The following CDK7 variants were observed in gnomAD, a reference collection of about 807,000 sequenced individuals.
The protein encoded by CDK7 is cyclin dependent kinase 7, also known as cyclin-dependent kinase 7.
A neutral mutation model predicts 49.1 loss-of-function variants in CDK7; 25 were observed. The ratio of observed to expected loss-of-function variants is 0.51; its 90% CI spans 0.37 to 0.71. The LOEUF (loss-of-function observed/expected upper bound fraction) is 0.71. Among genes scored for constraint, CDK7 ranks in the 30% least tolerant of loss-of-function variants. The pLI, the probability that CDK7 is intolerant of heterozygous loss-of-function variation, is 0.00. For synonymous variants in CDK7, 107 were observed against 140.0 expected (o/e 0.76, Z 1.67); for missense variants, 316 against 411.7 (o/e 0.77, Z 2.01).
chr5:69,234,960 G>A lies in CDK7; in HGVS notation c.-16G>A, dbSNP rs780787449. ...AGCTCGCCCTTTTCGGCTGGAGTCG[G>A]GCTTTACGGCGCCGGATGGCTCTGG... On this transcript the variant is annotated 5_prime_UTR_variant, in exon 1 of 12. Transcript: ENST00000256443. 3.2e-6 allele frequency: 5 copies of A among 1,586,408 alleles called. No individual in the cohort carries two copies. The highest frequency in any genetic ancestry group is 1.1e-5 in the South Asian group (1 of 86,998).
chr5:69,267,365 C>A (rs1022845216), intron 8 of CDK7, among the ~76,000 whole-genome samples: 3 of 127,944 alleles, frequency 2.3e-5, no homozygotes, highest in African/African-American at 8.9e-5. Context: ...GTGGCGTGAT[C>A]TCAGCTCATT....
chr5:69,267,291 C>CTT (rs1561371580), intron 8 of CDK7, among the ~76,000 whole-genome samples: 1 of 115,478 alleles, frequency 8.7e-6, no homozygotes, highest in African/African-American at 3.3e-5. Context: ...TATAAGGATT[C>CTT]CTTTTTTTTT....
intron 2 of CDK7, among the ~76,000 whole-genome samples, chr5:69,247,800 T>G (rs1749856556): frequency 6.6e-6 from 1 of 152,184 alleles, no homozygotes; most frequent in African/African-American, 2.4e-5. Context: ...ATATAACCCA[T>G]TATTTTAAAC....
chr5:69,244,702 C>T (rs575589839), intron 2 of CDK7, among the ~76,000 whole-genome samples: 1 of 150,688 alleles, frequency 6.6e-6, no homozygotes, highest in Admixed American at 6.6e-5. Context: ...TCTTTGCTTG[C>T]TCTTGCTAGG....
chr5:69,245,645 A>C (rs1389490729), intron 2 of CDK7, among the ~76,000 whole-genome samples: 1 of 151,966 alleles, frequency 6.6e-6, no homozygotes, highest in African/African-American at 2.4e-5. Context: ...CCTTCTTCAA[A>C]TGTTTGGTAA....
chr5:69,246,874 G>A (rs902322099), intron 2 of CDK7, among the ~76,000 whole-genome samples: 6 of 151,864 alleles, frequency 4.0e-5, no homozygotes, highest in Non-Finnish European at 7.4e-5. Flanking sequence ...ATTCAGGAGT[G>A]TATTGGTTAA....
At chr5:69,252,882 A>G (rs966951928) in intron 3 of CDK7, among the ~76,000 whole-genome samples, 6 of 152,202 alleles carry the variant, frequency 3.9e-5, no homozygotes, top group African/African-American at 1.4e-4. Context: ...GGATAGAGTT[A>G]CTGCAGGGTC....
intron 2 of CDK7, among the ~76,000 whole-genome samples, chr5:69,236,067 C>T (rs1748954149): frequency 6.6e-6 from 1 of 152,004 alleles, no homozygotes; most frequent in Admixed American, 6.6e-5. Flanking sequence ...ATGGTGAAAC[C>T]CTGTCTCTAC....
chr5:69,265,200 G>A (rs1751067693), intron 8 of CDK7, among the ~76,000 whole-genome samples: 1 of 152,060 alleles, frequency 6.6e-6, no homozygotes, highest in African/African-American at 2.4e-5. Context: ...GGGAGGTAGA[G>A]CTTGCAGTGA....
At chr5:69,268,713 C>T (rs1343916634) in intron 8 of CDK7, among the ~76,000 whole-genome samples, 5 of 150,882 alleles carry the variant, frequency 3.3e-5, no homozygotes, top group Non-Finnish European at 5.9e-5. Flanking sequence ...ATTAGCCAGG[C>T]GTGGTGGCGG....
intron 8 of CDK7, among the ~76,000 whole-genome samples, chr5:69,267,406 C>G (rs765828151): frequency 2.8e-5 from 4 of 144,080 alleles, no homozygotes; most frequent in Non-Finnish European, 6.0e-5. Context: ...TGAAGTGATT[C>G]TCGTGCCTCA....
At chr5:69,265,864 C>T (rs770685660) in intron 8 of CDK7, among the ~76,000 whole-genome samples, 97 of 151,866 alleles carry the variant, frequency 6.4e-4, no homozygotes, top group Admixed American at 2.3e-3. Flanking sequence ...GAGGTGATAT[C>T]GTGCCACATC....
At chr5:69,237,408 G>A (rs964025296) in intron 2 of CDK7, among the ~76,000 whole-genome samples, 10 of 152,080 alleles carry the variant, frequency 6.6e-5, no homozygotes, top group East Asian at 3.8e-4. Context: ...TATATTTTCC[G>A]TCTAGAACAT....
intron 2 of CDK7, among the ~76,000 whole-genome samples, chr5:69,248,133 T>C (rs1357961275): frequency 3.3e-5 from 5 of 152,208 alleles, no homozygotes; most frequent in African/African-American, 1.2e-4. Context: ...GCCTGGTGTT[T>C]ATAAAATCTC....
At chr5:69,253,541 C>T (rs549210327) in intron 3 of CDK7, among the ~76,000 whole-genome samples, 3 of 152,064 alleles carry the variant, frequency 2.0e-5, no homozygotes, top group Middle Eastern at 3.2e-3. Flanking sequence ...GCTGGGATTA[C>T]GAGCCACCGC....
At chr5:69,236,673 G>A (rs1297071890) in intron 2 of CDK7, among the ~76,000 whole-genome samples, 1 of 149,270 alleles carries the variant, frequency 6.7e-6, no homozygotes, top group African/African-American at 2.5e-5. Flanking sequence ...TTTTTTTTGA[G>A]ACAGAATTTT....
intron 2 of CDK7, among the ~76,000 whole-genome samples, chr5:69,241,590 C>T (rs904175346): frequency 6.6e-6 from 1 of 152,102 alleles, no homozygotes; most frequent in Non-Finnish European, 1.5e-5. Context: ...TCCCAAAGTG[C>T]TGGGATTACA....
At chr5:69,244,449 A>G (rs934873950) in intron 2 of CDK7, among the ~76,000 whole-genome samples, 6 of 151,930 alleles carry the variant, frequency 3.9e-5, no homozygotes, top group Non-Finnish European at 7.4e-5. Flanking sequence ...CCTGACCAAC[A>G]TGGAGAAACC....
intron 8 of CDK7, 32 bp from the exon 9 acceptor site, chr5:69,269,175 C>G: frequency 7.1e-7 from 1 of 1,399,424 alleles, no homozygotes; most frequent in Non-Finnish European, 9.9e-7. Flanking sequence ...AAAAAACCCA[C>G]CTTGAAAAGT....
Sources: allele counts gnomAD v4.1 joint callset (sites outside exome capture counted in the v4.1 genomes callset), GRCh38; gene constraint gnomAD v4.1.1; transcripts MANE v1.5; gene names NCBI Gene and HGNC (gene_info 2026-07-23, HGNC 2026-07-21).